Variants in TCF25 observed in about 807,000 individuals in gnomAD.
TCF25 encodes the protein TCF25 ribosome quality control complex subunit, also known as ribosome quality control complex subunit TCF25.
In TCF25, 41 loss-of-function variants were observed where a neutral mutation model predicts 83.1. That is an observed-to-expected ratio of 0.49 (90% CI 0.38 to 0.64). The LOEUF is 0.64. TCF25 is among the 30% of genes least tolerant of loss of function. The pLI is 0.00. For synonymous variants in TCF25, 458 were observed against 365.0 expected (o/e 1.25, Z -2.90); for missense variants, 979 against 914.5 (o/e 1.07, Z -0.91).
intron 7 of TCF25, among the ~76,000 whole-genome samples, chr16:89,894,407 C>A (rs552423059): frequency 6.9e-6 from 1 of 145,678 alleles, no homozygotes; most frequent in Non-Finnish European, 1.5e-5. Flanking sequence ...GCGGCCCTCA[C>A]GCAGCCGCCG....
At chr16:89,908,152 C>G (rs1211547626) in intron 16 of TCF25, among the ~76,000 whole-genome samples, 1 of 136,510 alleles carries the variant, frequency 7.3e-6, no homozygotes, top group African/African-American at 2.8e-5. Context: ...CACCTCCTGC[C>G]TCCCTCCTCC....
intron 5 of TCF25, among the ~76,000 whole-genome samples, chr16:89,888,548 G>A (rs1166120664): frequency 6.8e-6 from 1 of 148,140 alleles, no homozygotes; most frequent in Non-Finnish European, 1.5e-5. Context: ...AGATCGTGAC[G>A]TTGCACTCCA....
chr16:89,900,894 C>T (rs2084271480), intron 12 of TCF25, 100 bp downstream of exon 12: 16 of 1,299,154 alleles, frequency 1.2e-5, no homozygotes, highest in Non-Finnish European at 1.6e-5. Context: ...TCCTTCCCCA[C>T]ACTTGTAGAA....
At chr16:89,876,786 G>A (rs908325291) in intron 1 of TCF25, among the ~76,000 whole-genome samples, 11 of 152,224 alleles carry the variant, frequency 7.2e-5, no homozygotes, top group African/African-American at 1.9e-4. Context: ...AAAATTAGCC[G>A]GGTGTGGCGG....
chr16:89,898,535 T>G, intron 9 of TCF25, 22 bp from the exon 10 acceptor site: 1 of 1,581,572 alleles, frequency 6.3e-7, no homozygotes, highest in Non-Finnish European at 8.6e-7. Flanking sequence ...TTGTAATTCA[T>G]GTGGAACTAT....
Position 89,911,365 on chromosome 16 carries a change from AAT to A in TCF25, c.*128_*129del. ...TCCCTGGTCCACTGTTTCTCCTATA[AAT>A]GTAAATGGGTCACGCTCTGCCGTCC... On this transcript the variant is annotated 3_prime_UTR_variant, in exon 18 of 18. Coordinates refer to ENST00000263346, the MANE Select transcript of TCF25 (RefSeq NM_014972.3). 1 of 1,272,058 alleles carries A rather than the reference AAT, an allele frequency of 7.9e-7. No individual in the cohort carries two copies. The highest frequency in any genetic ancestry group is 1.1e-6 in the Non-Finnish European group (1 of 913,148). The allele number at this position is 1,272,058 out of a possible 1,614,324, so 78.8% of individuals were successfully genotyped here.
intron 16 of TCF25, chr16:89,908,984 G>A (rs757931612): frequency 2.4e-5 from 31 of 1,289,530 alleles, no homozygotes; most frequent in African/African-American, 3.0e-5. Flanking sequence ...AGGAGGAGAG[G>A]AACAGTGTTA....
rs781564582 is a variant in TCF25 at position 89,907,239 on chromosome 16, G to A, written c.1720-4G>A. On this transcript the variant is annotated splice_region_variant and splice_polypyrimidine_tract_variant and intron_variant, in intron 15 of 17. Coordinates refer to ENST00000263346, the MANE Select transcript of TCF25 (RefSeq NM_014972.3). ...GCATCTTCGTTTTATGTCCCTTTCT[G>A]AAGGACGTGACCACGCAGTCTGTGA... The A allele has an allele frequency of 6.2e-7, 1 of 1,612,618 alleles. No homozygotes were observed. Among genetic ancestry groups the A allele is most frequent in the South Asian group, 1.1e-5 (1 of 91,072 alleles).
intron 8 of TCF25, among the ~76,000 whole-genome samples, chr16:89,895,608 ACGGAC>A (rs1312484951): frequency 3.3e-5 from 5 of 152,248 alleles, no homozygotes; most frequent in Non-Finnish European, 7.3e-5. Context: ...CACTGTGTGG[ACGGAC>A]CACATGTTGT....
At chr16:89,910,331 C>T (rs2045452716) in intron 16 of TCF25, 2 of 547,316 alleles carry the variant, frequency 3.7e-6, no homozygotes, top group East Asian at 3.0e-5. Flanking sequence ...GAGCCTCGCT[C>T]CGGACGCCAC....
chr16:89,904,575 C>A, intron 13 of TCF25: 1 of 488,160 alleles, frequency 2.0e-6, no homozygotes. Context: ...GAGACCCCGT[C>A]TCAAAAAACA....
chr16:89,881,941 G>C (rs1390439221), intron 1 of TCF25, among the ~76,000 whole-genome samples: 2 of 151,990 alleles, frequency 1.3e-5, no homozygotes. Context: ...TTTCAGTAGA[G>C]ACGGGATTTC....
chr16:89,878,056 T>C (rs2042323477), intron 1 of TCF25, among the ~76,000 whole-genome samples: 1 of 152,120 alleles, frequency 6.6e-6, no homozygotes, highest in Admixed American at 6.6e-5. Flanking sequence ...GGCAGATCCA[T>C]CACTTGAGCT....
At position 89,885,949 on chromosome 16, in the gene TCF25, T is replaced by G. The variant is rs1318405420; in HGVS notation, c.531T>G (p.Val177=). 5 of 1,527,986 alleles carry G rather than the reference T, an allele frequency of 3.3e-6. No individual in the cohort carries two copies. Among genetic ancestry groups the G allele is most frequent in the South Asian group, 1.2e-5 (1 of 84,508 alleles). The allele number at this position is 1,527,986 out of a possible 1,614,324, so 94.7% of individuals were successfully genotyped here. The change falls in exon 4 of 18, where the codon GTT becomes GTG. Residue 177 remains valine (V), a synonymous_variant. Coordinates refer to ENST00000263346, the MANE Select transcript of TCF25 (RefSeq NM_014972.3). ...GPAPLSSRKH[V]LYVEHRHLNP... ...CTCCCCTGAGCTCCAGGAAGCACGT[T>G]CTCTACGTGGAGCACAGGTGTGGCC...
chr16:89,906,373 G>A (rs758767410), intron 15 of TCF25, 89 bp downstream of exon 15: 178 of 1,324,662 alleles, frequency 1.3e-4, no homozygotes, highest in Non-Finnish European at 1.8e-4. Flanking sequence ...GCAGGCGTGC[G>A]TGGTGCGGGC....
chr16:89,910,937 C>A, intron 17 of TCF25, 143 bp from the exon 18 acceptor site: 1 of 1,210,396 alleles, frequency 8.3e-7, no homozygotes, highest in Non-Finnish European at 1.1e-6. Context: ...TGAGAGCTTC[C>A]TCCTCACAGG....
At chr16:89,888,673 T>G (rs1597310076) in intron 5 of TCF25, among the ~76,000 whole-genome samples, 1 of 148,336 alleles carries the variant, frequency 6.7e-6, no homozygotes, top group African/African-American at 2.5e-5. Flanking sequence ...CTTTCTCTCT[T>G]TCTTTCTTTT....
intron 15 of TCF25, among the ~76,000 whole-genome samples, chr16:89,906,959 C>T (rs908375392): frequency 1.6e-4 from 25 of 152,182 alleles, no homozygotes; most frequent in Non-Finnish European, 2.2e-4. Context: ...CAGGCTTGAG[C>T]GGCACGTGAC....
chr16:89,892,130 G>A (rs11647174), intron 5 of TCF25, 63 bp from the exon 6 acceptor site: 127,410 of 1,474,326 alleles, frequency 0.086, 6,545 homozygotes, highest in East Asian at 0.18. Context: ...GGATCAGGCA[G>A]CCAAGCCTTG....
Sources: allele counts gnomAD v4.1 joint callset (sites outside exome capture counted in the v4.1 genomes callset), GRCh38; gene constraint gnomAD v4.1.1; transcripts MANE v1.5; gene names NCBI Gene and HGNC (gene_info 2026-07-23, HGNC 2026-07-21).